Variants in KIF13B observed in about 807,000 individuals in gnomAD.
KIF13B encodes the protein kinesin family member 13B.
Under a neutral mutation model 222.0 loss-of-function variants are expected in KIF13B, and 127 were observed. The ratio of observed to expected loss-of-function variants is 0.57; its 90% CI spans 0.50 to 0.66. The LOEUF is 0.66. KIF13B is among the 30% of genes least tolerant of loss of function. The pLI is 0.00. For missense variants in KIF13B, 2,173 were observed against 2,379.0 expected (o/e 0.91, Z 1.80); for synonymous variants, 976 against 919.0 (o/e 1.06, Z -1.12).
chr8:29,211,196 T>C (rs1814206160), intron 2 of KIF13B, among the ~76,000 whole-genome samples: 2 of 152,236 alleles, frequency 1.3e-5, no homozygotes, highest in African/African-American at 4.8e-5. Flanking sequence ...GAGAGGGCAC[T>C]TGTTTCCATG....
At chr8:29,162,674 A>G (rs1811833403) in intron 12 of KIF13B, among the ~76,000 whole-genome samples, 1 of 152,226 alleles carries the variant, frequency 6.6e-6, no homozygotes, top group Non-Finnish European at 1.5e-5. Context: ...TCAAAGCCGA[A>G]AGAGGCACAA....
intron 26 of KIF13B, 28 bp from the exon 27 acceptor site, chr8:29,124,151 C>G: frequency 7.7e-7 from 1 of 1,302,214 alleles, no homozygotes; most frequent in Non-Finnish European, 1.1e-6. Flanking sequence ...AAATCATATT[C>G]AATGTAATGT....
chr8:29,154,345 C>T (rs1035365859), intron 14 of KIF13B, among the ~76,000 whole-genome samples: 6 of 148,638 alleles, frequency 4.0e-5, no homozygotes, highest in African/African-American at 1.2e-4. Context: ...GGGAAGGGAT[C>T]GGGAGAAGGG....
At chr8:29,123,229 C>A in intron 28 of KIF13B, 137 bp downstream of exon 28, 1 of 949,072 alleles carries the variant, frequency 1.1e-6, no homozygotes, top group East Asian at 2.7e-5. Flanking sequence ...AATAATTTAA[C>A]AGTTCCTTTA....
chr8:29,070,401 C>A lies in KIF13B; in HGVS notation c.*103G>T. 1 of 1,317,126 alleles carries A rather than the reference C, an allele frequency of 7.6e-7. No individual in the cohort carries two copies. Among genetic ancestry groups the A allele is most frequent in the Non-Finnish European group, 1.1e-6 (1 of 948,598 alleles). The allele number at this position is 1,317,126 out of a possible 1,614,324, so 81.6% of individuals were successfully genotyped here. A position where few individuals can be genotyped will look rare whatever the true frequency, so the allele number is the denominator to read the frequency against. On this transcript the variant is annotated 3_prime_UTR_variant, in exon 40 of 40. Coordinates refer to ENST00000524189, the MANE Select transcript of KIF13B (RefSeq NM_015254.4). The surrounding 1 kb of genome is among the most constrained non-coding windows in gnomAD (Gnocchi z 4.1). ...GTGCAAAAAGCATTCATCGCCCTGCCCCTGGGGAAGGGGCCACCGGGCTCC... is the reference window on the plus strand; with the variant it reads ...GTGCAAAAAGCATTCATCGCCCTGCACCTGGGGAAGGGGCCACCGGGCTCC...
intron 1 of KIF13B, among the ~76,000 whole-genome samples, chr8:29,251,160 A>C (rs1234397572): frequency 6.6e-6 from 1 of 152,206 alleles, no homozygotes; most frequent in Non-Finnish European, 1.5e-5. Context: ...GGAAGAAAAA[A>C]AAAGGCAAAA....
chr8:29,145,337 G>A (rs536426612), intron 18 of KIF13B, among the ~76,000 whole-genome samples: 1 of 152,266 alleles, frequency 6.6e-6, no homozygotes, highest in Non-Finnish European at 1.5e-5. Context: ...AGGGAAAGAT[G>A]TAATCCTTGC....
At chr8:29,234,583 C>T (rs1304088693) in intron 2 of KIF13B, among the ~76,000 whole-genome samples, 1 of 146,260 alleles carries the variant, frequency 6.8e-6, no homozygotes, top group Middle Eastern at 3.3e-3. Context: ...ATGAATAGTG[C>T]TATGGTTACA....
intron 2 of KIF13B, among the ~76,000 whole-genome samples, chr8:29,236,682 G>A (rs955926275): frequency 1.3e-5 from 2 of 152,116 alleles, no homozygotes; most frequent in Non-Finnish European, 2.9e-5. Flanking sequence ...ACGTTTGATA[G>A]AAGTAAAGCA....
intron 12 of KIF13B, among the ~76,000 whole-genome samples, chr8:29,161,658 T>G (rs1811779824): frequency 6.6e-6 from 1 of 151,486 alleles, no homozygotes; most frequent in Non-Finnish European, 1.5e-5. Context: ...ATCATGCCAT[T>G]GTACTCCAGC....
rs1807234974 is a variant in KIF13B, at chr8:29,070,819, C to T, written c.5219-53G>A. ...AGGGCAGCCGAGCTGCAGACGGCCC[C>T]CTGCACCTCCCTTACCTCTGCAGAG... On this transcript the variant is annotated intron_variant, in intron 39 of 39. Transcript: ENST00000524189. The surrounding 1 kb of genome is among the most constrained non-coding windows in gnomAD (Gnocchi z 4.1). The T allele has an allele frequency of 1.3e-6, 2 of 1,549,880 alleles. No homozygotes were observed. The highest frequency in any genetic ancestry group is 2.7e-5 in the African/African-American group (2 of 73,324).
chr8:29,164,173 T>C (rs1365122869), intron 12 of KIF13B, among the ~76,000 whole-genome samples: 1 of 152,214 alleles, frequency 6.6e-6, no homozygotes, highest in Non-Finnish European at 1.5e-5. Flanking sequence ...AAAATCTATT[T>C]TAATCCCAGT....
At chr8:29,213,592 A>T (rs1814330665) in intron 2 of KIF13B, among the ~76,000 whole-genome samples, 1 of 152,212 alleles carries the variant, frequency 6.6e-6, no homozygotes, top group Admixed American at 6.5e-5. Context: ...CTCCTAGACT[A>T]CAAACCTGTA....
Position 29,186,416 on chromosome 8 carries a change from T to C in KIF13B, c.373A>G (p.Arg125Gly). ...CGTTCAAAGAGTCCACTGCAAAGTC[T>C]TGGGATTAATCCAGGTTGGTCAGCT... ...GTADQPGLIP[R>G]LCSGLFERTQ... The change falls in exon 6 of 40, where the codon AGA becomes GGA. Residue 125 changes from arginine (R) to glycine (G), a missense_variant. Arg to Gly is a moderately radical substitution (Grantham distance 125). Around this residue, in one of 2 missense-constraint regions of KIF13B, gnomAD observed 1,480 missense variants for 1,722.8 expected, o/e 0.86. Coordinates refer to ENST00000524189, the MANE Select transcript of KIF13B (RefSeq NM_015254.4). 6.2e-7 allele frequency: 1 copy of C among 1,613,958 alleles called. No homozygotes were observed. Among genetic ancestry groups the C allele is most frequent in the Non-Finnish European group, 8.5e-7 (1 of 1,179,872 alleles).
chr8:29,242,252 A>AAAC (rs1057416006), intron 2 of KIF13B, among the ~76,000 whole-genome samples: 43 of 152,264 alleles, frequency 2.8e-4, no homozygotes, highest in African/African-American at 9.9e-4. Flanking sequence ...TCTCAAAAAC[A>AAAC]AACAACAACA....
At chr8:29,148,530 C>T (rs1811160997) in intron 16 of KIF13B, 47 bp downstream of exon 16, 1 of 1,441,718 alleles carries the variant, frequency 6.9e-7, no homozygotes, top group South Asian at 1.4e-5. Context: ...CCACCTCAGC[C>T]TCTACCAACT....
chr8:29,135,866 C>T (rs1418323081), intron 21 of KIF13B, among the ~76,000 whole-genome samples: 1 of 152,190 alleles, frequency 6.6e-6, no homozygotes, highest in Non-Finnish European at 1.5e-5. Flanking sequence ...CTGCACTCTA[C>T]TCTGGGTGAC....
rs550560697 is a variant in KIF13B at position 29,083,212 on chromosome 8, AAC to A, written c.4459-7871_4459-7870del. ...TGGCTTTTACATTCTTAATGACTGAAACAAATCAAAAGAATATTTCATAACAT... is the reference window on the plus strand; with the variant it reads ...TGGCTTTTACATTCTTAATGACTGAAAAATCAAAAGAATATTTCATAACAT... On this transcript the variant is annotated intron_variant, in intron 37 of 39. Transcript: ENST00000524189. 2.1e-3 allele frequency among the ~76,000 whole-genome samples: 322 copies of A among 152,356 alleles called. 2 individuals carry two copies. The highest frequency in any genetic ancestry group is 7.5e-3 in the African/African-American group (310 of 41,578).
chr8:29,232,572 G>C (rs1354005263), intron 2 of KIF13B, among the ~76,000 whole-genome samples: 1 of 151,836 alleles, frequency 6.6e-6, no homozygotes, highest in African/African-American at 2.4e-5. Flanking sequence ...CCCTCACAGT[G>C]ACCACATTCT....
Sources: gnomAD v4.1 joint callset for allele counts (sites outside exome capture counted in the v4.1 genomes callset) on GRCh38, gnomAD v4.1.1 for gene constraint, gnomAD v4.1.1 regional missense constraint, Gnocchi (gnomAD v3.1) non-coding constraint, MANE v1.5 for transcripts, NCBI Gene and HGNC (gene_info 2026-07-23, HGNC 2026-07-21) for gene names.